SNCAIP: variants seen among roughly 807,000 people sequenced by gnomAD.
SNCAIP encodes the protein synphilin-1.
Under a neutral mutation model 86.7 loss-of-function variants are expected in SNCAIP, and 43 were observed. That is an observed-to-expected ratio of 0.50 (90% CI 0.39 to 0.64). The LOEUF (loss-of-function observed/expected upper bound fraction) is 0.64. Ranked by LOEUF, SNCAIP falls within the 30% of genes least tolerant of loss-of-function variation. The pLI, the probability that SNCAIP is intolerant of heterozygous loss-of-function variation, is 0.00. For synonymous variants in SNCAIP, 417 were observed against 427.2 expected (o/e 0.98, Z 0.29); for missense variants, 981 against 1,103.1 (o/e 0.89, Z 1.57).
chr5:122,375,002 C>A (rs1397716381), intron 1 of SNCAIP, among the ~76,000 whole-genome samples: 1 of 152,020 alleles, frequency 6.6e-6, no homozygotes, highest in Non-Finnish European at 1.5e-5. Flanking sequence ...ATCATCTCTA[C>A]CCTAAGTGTC....
At chr5:122,389,690 G>A (rs1352275976) in intron 1 of SNCAIP, 2 of 152,148 alleles carry the variant, frequency 1.3e-5, no homozygotes, top group Admixed American at 6.5e-5. Context: ...GCCTTACTGT[G>A]ATTTCAGAAG....
chr5:122,404,122 G>A (rs1007584816), intron 3 of SNCAIP, among the ~76,000 whole-genome samples: 5 of 152,008 alleles, frequency 3.3e-5, no homozygotes, highest in Admixed American at 3.3e-4. Context: ...AGATCATCTC[G>A]GCATCTCCAA....
At chr5:122,313,754 T>G (rs1428662386) in intron 1 of SNCAIP, among the ~76,000 whole-genome samples, 2 of 152,174 alleles carry the variant, frequency 1.3e-5, no homozygotes, top group African/African-American at 4.8e-5. Flanking sequence ...TTTTGGAAGG[T>G]GCAATATTTC....
chr5:122,323,696 T>G (rs1465401850), intron 1 of SNCAIP, among the ~76,000 whole-genome samples: 1 of 152,206 alleles, frequency 6.6e-6, no homozygotes, highest in Non-Finnish European at 1.5e-5. Context: ...ACCACGAAAA[T>G]AGAGTGTTCT....
intron 1 of SNCAIP, among the ~76,000 whole-genome samples, chr5:122,335,960 A>G (rs531182092): frequency 1.3e-5 from 2 of 152,348 alleles, no homozygotes; most frequent in African/African-American, 4.8e-5. Flanking sequence ...ATTCATGACA[A>G]TGCCCTTTCT....
intron 1 of SNCAIP, among the ~76,000 whole-genome samples, chr5:122,360,293 T>C (rs6871588): frequency 0.88 from 134,475 of 152,228 alleles, 59,493 homozygotes; most frequent in Admixed American, 0.93. Context: ...GTGGCACCAA[T>C]GGAATAGAAT....
chr5:122,325,322 G>T (rs887330362), intron 1 of SNCAIP, among the ~76,000 whole-genome samples: 1 of 152,118 alleles, frequency 6.6e-6, no homozygotes, highest in Non-Finnish European at 1.5e-5. Context: ...CAGGTAGGGA[G>T]GGAGAGGTTT....
intron 8 of SNCAIP, among the ~76,000 whole-genome samples, chr5:122,445,199 G>A (rs1651821888): frequency 6.6e-6 from 1 of 152,160 alleles, no homozygotes; most frequent in African/African-American, 2.4e-5. Flanking sequence ...ATAACTTGGT[G>A]ACTATCACCA....
chr5:122,347,616 A>G (rs1369648347), intron 1 of SNCAIP, among the ~76,000 whole-genome samples: 2 of 152,086 alleles, frequency 1.3e-5, no homozygotes, highest in African/African-American at 4.8e-5. Context: ...TGGAAAAAAT[A>G]TATATCCATA....
At chr5:122,417,389 G>A (rs1346059540) in intron 3 of SNCAIP, among the ~76,000 whole-genome samples, 1 of 152,162 alleles carries the variant, frequency 6.6e-6, no homozygotes, top group African/African-American at 2.4e-5. Flanking sequence ...AAATTTAGGG[G>A]TGGATCGGGT....
intron 1 of SNCAIP, among the ~76,000 whole-genome samples, chr5:122,386,198 C>T (rs1323308344): frequency 6.6e-6 from 1 of 152,152 alleles, no homozygotes; most frequent in African/African-American, 2.4e-5. Context: ...TTTTCAAAGT[C>T]AGTTTTCCAG....
At chr5:122,374,847 G>T (rs1308131912) in intron 1 of SNCAIP, among the ~76,000 whole-genome samples, 2 of 152,080 alleles carry the variant, frequency 1.3e-5, no homozygotes, top group Non-Finnish European at 2.9e-5. Flanking sequence ...CTTCCTAGCT[G>T]AATTTTAAAG....
At chr5:122,406,709 C>T (rs535645825) in intron 3 of SNCAIP, among the ~76,000 whole-genome samples, 2 of 152,130 alleles carry the variant, frequency 1.3e-5, no homozygotes, top group Non-Finnish European at 2.9e-5. Context: ...CCCCCTTTGC[C>T]GTCTGCCATA....
At chr5:122,366,360 GAGAA>G (rs879827617) in intron 1 of SNCAIP, among the ~76,000 whole-genome samples, 3 of 152,174 alleles carry the variant, frequency 2.0e-5, no homozygotes, top group Non-Finnish European at 4.4e-5. Context: ...ATGTGTATGT[GAGAA>G]AGAGAGACAG....
At chr5:122,424,547 T>A (rs773909859) in intron 4 of SNCAIP, among the ~76,000 whole-genome samples, 1 of 152,242 alleles carries the variant, frequency 6.6e-6, no homozygotes, top group Non-Finnish European at 1.5e-5. Flanking sequence ...TTAAGTACAA[T>A]GTACTTGCTC....
intron 2 of SNCAIP, among the ~76,000 whole-genome samples, chr5:122,395,676 GT>G (rs1259219689): frequency 2.0e-5 from 3 of 152,010 alleles, no homozygotes; most frequent in Non-Finnish European, 4.4e-5. Context: ...GCCCCCTTCT[GT>G]TTTGTGTGCA....
At chr5:122,400,413 A>G (rs1339533448) in intron 2 of SNCAIP, among the ~76,000 whole-genome samples, 1 of 152,250 alleles carries the variant, frequency 6.6e-6, no homozygotes, top group African/African-American at 2.4e-5. Flanking sequence ...ATGCCCAGGG[A>G]TTAGTCAATA....
intron 9 of SNCAIP, 137 bp from the exon 10 acceptor site, chr5:122,450,396 G>A (rs753813007): frequency 5.2e-4 from 391 of 758,920 alleles, no homozygotes; most frequent in Middle Eastern, 1.0e-3. Flanking sequence ...ACATTGTTTC[G>A]AAAAGAAATT....
chr5:122,313,861 A>G (rs1453805054), intron 1 of SNCAIP, among the ~76,000 whole-genome samples: 2 of 152,254 alleles, frequency 1.3e-5, no homozygotes, highest in African/African-American at 4.8e-5. Flanking sequence ...ATCAGAAAGT[A>G]AAAGATAGTG....
Sources: gnomAD v4.1 joint callset for allele counts (sites outside exome capture counted in the v4.1 genomes callset) on GRCh38, gnomAD v4.1.1 for gene constraint, MANE v1.5 for transcripts, NCBI Gene and HGNC (gene_info 2026-07-23, HGNC 2026-07-21) for gene names.